The following TCF12 variants were observed in gnomAD, a reference collection of about 807,000 sequenced individuals.
The protein encoded by TCF12 is transcription factor 12.
TCF12 carries 45 observed loss-of-function variants against 86.0 expected under a neutral mutation model. The observed-to-expected ratio is 0.52, with a 90% confidence interval of 0.41 to 0.67. The LOEUF (loss-of-function observed/expected upper bound fraction) is 0.67, where lower values mean the gene tolerates loss of function less well. TCF12 is among the 30% of genes least tolerant of loss of function. TCF12 has a pLI of 0.00. For synonymous variants in TCF12, 330 were observed against 299.6 expected, an observed-to-expected ratio of 1.10 and a Z score of -1.05; for missense variants, 881 against 859.9, an observed-to-expected ratio of 1.02 and a Z score of -0.31.
chr15:57,040,699 A>T (rs1745006852), intron 3 of TCF12, among the ~76,000 whole-genome samples: 1 of 152,230 alleles, frequency 6.6e-6, no homozygotes, highest in South Asian at 2.1e-4. Flanking sequence ...TCATGATCAG[A>T]TGTAAACACA....
chr15:57,284,091 A>T (rs749596848), intron 20 of TCF12, among the ~76,000 whole-genome samples: 26 of 152,370 alleles, frequency 1.7e-4, no homozygotes, highest in Middle Eastern at 6.8e-3. Context: ...AACCTAGATC[A>T]TTGTTTCATA....
chr15:57,239,894 G>T (rs892635551), intron 12 of TCF12, among the ~76,000 whole-genome samples: 8 of 152,144 alleles, frequency 5.3e-5, no homozygotes, highest in South Asian at 2.1e-4. Context: ...ATCCTGTCCA[G>T]ATAGAAAAGT....
intron 4 of TCF12, among the ~76,000 whole-genome samples, chr15:57,089,081 C>T (rs1424613414): frequency 6.6e-6 from 1 of 152,118 alleles, no homozygotes; most frequent in African/African-American, 2.4e-5. Context: ...CAGTTGTATG[C>T]GATGTAAAAC....
intron 3 of TCF12, among the ~76,000 whole-genome samples, chr15:57,030,206 G>C (rs1398632990): frequency 6.6e-6 from 1 of 152,034 alleles, no homozygotes; most frequent in African/African-American, 2.4e-5. Context: ...CTGTCACTGA[G>C]GCAGGAGTTT....
At chr15:57,072,770 T>C (rs2069516264) in intron 4 of TCF12, 14 of 1,155,808 alleles carry the variant, frequency 1.2e-5, no homozygotes, top group Admixed American at 6.2e-5. Flanking sequence ...TTTTGTTATG[T>C]AACTGCTCCT....
chr15:57,029,939 T>TA (rs1418513375), intron 3 of TCF12, among the ~76,000 whole-genome samples: 3 of 152,242 alleles, frequency 2.0e-5, no homozygotes, highest in African/African-American at 7.2e-5. Context: ...TGAGTGGTGT[T>TA]ACGTTATATG....
intron 4 of TCF12, among the ~76,000 whole-genome samples, chr15:57,089,000 G>A (rs1841737048): frequency 1.3e-5 from 2 of 152,122 alleles, no homozygotes; most frequent in Admixed American, 1.3e-4. Context: ...TACTACTACT[G>A]TGTGAAAGGA....
chr15:56,981,267 C>T (rs1204592641), intron 3 of TCF12, among the ~76,000 whole-genome samples: 1 of 152,220 alleles, frequency 6.6e-6, no homozygotes, highest in Non-Finnish European at 1.5e-5. Flanking sequence ...GTTCTGGCGG[C>T]TGCCAAGTCC....
intron 3 of TCF12, among the ~76,000 whole-genome samples, chr15:56,948,176 C>T (rs573537629): frequency 3.3e-5 from 5 of 151,756 alleles, no homozygotes; most frequent in Non-Finnish European, 5.9e-5. Flanking sequence ...GGCTGGAATG[C>T]AGTGGCGTGA....
intron 5 of TCF12, among the ~76,000 whole-genome samples, chr15:57,134,888 T>G (rs909969139): frequency 2.6e-5 from 2 of 77,898 alleles, no homozygotes; most frequent in Non-Finnish European, 4.8e-5. Context: ...GGTTTTTGTG[T>G]TTTTTTTTTT....
At chr15:57,283,416 C>CACCATG (rs1394487448) in intron 20 of TCF12, among the ~76,000 whole-genome samples, 6 of 152,124 alleles carry the variant, frequency 3.9e-5, no homozygotes, top group Non-Finnish European at 8.8e-5. Context: ...AGGTGTGCAC[C>CACCATG]ACCATGCCCG....
At chr15:57,192,370 T>C (rs1597204549) in intron 7 of TCF12, 77 bp downstream of exon 7, 1 of 1,520,868 alleles carries the variant, frequency 6.6e-7, no homozygotes, top group East Asian at 2.3e-5. Flanking sequence ...TACTTCTGGC[T>C]ATGCTTTTTT....
intron 5 of TCF12, among the ~76,000 whole-genome samples, chr15:57,149,043 A>G (rs2053565938): frequency 6.6e-6 from 1 of 152,226 alleles, no homozygotes; most frequent in Non-Finnish European, 1.5e-5. Context: ...ATTTTTCAGT[A>G]TAAATTTTAC....
intron 3 of TCF12, among the ~76,000 whole-genome samples, chr15:56,979,944 G>C (rs547819847): frequency 3.9e-5 from 6 of 152,252 alleles, no homozygotes; most frequent in African/African-American, 1.4e-4. Context: ...TGTCTGTATT[G>C]TATTTCCTTA....
At chr15:56,921,237 G>T (rs2059777371) in intron 3 of TCF12, 139 bp downstream of exon 3, 1 of 490,178 alleles carries the variant, frequency 2.0e-6, no homozygotes, top group Non-Finnish European at 3.2e-6. Flanking sequence ...TAATTAGTAA[G>T]ATTTATTAAT....
chr15:57,157,217 T>TTTA (rs1423978709), intron 5 of TCF12, among the ~76,000 whole-genome samples: 7 of 152,134 alleles, frequency 4.6e-5, no homozygotes, highest in African/African-American at 1.7e-4. Flanking sequence ...AAGAATGAGA[T>TTTA]AAACATTAAG....
At chr15:57,181,803 A>G (rs1242528868) in intron 6 of TCF12, among the ~76,000 whole-genome samples, 1 of 152,162 alleles carries the variant, frequency 6.6e-6, no homozygotes, top group Non-Finnish European at 1.5e-5. Flanking sequence ...TAACTTACTT[A>G]TTGTAGATTT....
intron 5 of TCF12, among the ~76,000 whole-genome samples, chr15:57,131,063 A>T (rs1057098254): frequency 6.6e-6 from 1 of 152,146 alleles, no homozygotes; most frequent in South Asian, 2.1e-4. Flanking sequence ...TCAGAGCGTT[A>T]TTGTCAGACA....
intron 8 of TCF12, among the ~76,000 whole-genome samples, chr15:57,205,304 A>G (rs894464843): frequency 2.6e-5 from 4 of 152,276 alleles, no homozygotes; most frequent in Admixed American, 6.5e-5. Flanking sequence ...CCCTGTCTTA[A>G]AAAAAATAAA....
Sources: allele counts gnomAD v4.1 joint callset (sites outside exome capture counted in the v4.1 genomes callset), GRCh38; gene constraint gnomAD v4.1.1; transcripts MANE v1.5; gene names NCBI Gene and HGNC (gene_info 2026-07-23, HGNC 2026-07-21).